The following CEP104 variants were observed in gnomAD, a reference collection of about 807,000 sequenced individuals.
The protein encoded by CEP104 is centrosomal protein of 104 kDa.
A neutral mutation model predicts 113.3 loss-of-function variants in CEP104; 84 were observed. That is an observed-to-expected ratio of 0.74 (90% CI 0.62 to 0.89). CEP104 has a LOEUF of 0.89. Among genes scored for constraint, CEP104 ranks in the 40% least tolerant of loss-of-function variants. CEP104 has a pLI of 0.00. For synonymous variants in CEP104, 378 were observed against 421.7 expected, an observed-to-expected ratio of 0.90 and a Z score of 1.27; for missense variants, 1,053 against 1,156.6, an observed-to-expected ratio of 0.91 and a Z score of 1.30.
intron 18 of CEP104, among the ~76,000 whole-genome samples, 153 bp downstream of exon 18, chr1:3,825,605 A>G (rs1486688462): frequency 6.6e-6 from 1 of 152,186 alleles, no homozygotes. Flanking sequence ...AATGACTCGC[A>G]CGCATTTGCG....
chr1:3,824,877 C>CAGTGGCACCGTGGGAAGGG (rs1644055694), intron 18 of CEP104, among the ~76,000 whole-genome samples: 2 of 104,766 alleles, frequency 1.9e-5, no homozygotes, highest in Admixed American at 1.0e-4. Context: ...GTGGGAAGGG[C>CAGTGGCACCGTGGGAAGGG]GGCAGTGGCA....
Position 3,844,915 on chromosome 1 carries a change from C to G in CEP104, c.558G>C (p.Thr186=), listed in dbSNP as rs2275822. 1.2e-6 allele frequency: 2 copies of G among 1,610,962 alleles called. No individual in the cohort carries two copies. The highest frequency in any genetic ancestry group is 1.7e-6 in the Non-Finnish European group (2 of 1,177,482). Residue 186 remains threonine (T), a synonymous_variant, in exon 6 of 22, where the codon ACG becomes ACC. Transcript: ENST00000378230. ...HNSEDPALEG[T]YARKSDYISP... is the part of the protein sequence containing the mutation. ...GGGAGCAGGACTCTTACCTGGCGTACGTTCCTTCTAGAGCAGGGTCCTCGC... is the reference window on the plus strand; with the variant it reads ...GGGAGCAGGACTCTTACCTGGCGTAGGTTCCTTCTAGAGCAGGGTCCTCGC...
chr1:3,823,435 TTG>T lies in CEP104; in HGVS notation c.2490_2491del (p.His830GlnfsTer20), dbSNP rs1343346166. On this transcript the variant is annotated frameshift_variant, in exon 19 of 22. Coordinates refer to ENST00000378230, the MANE Select transcript of CEP104 (RefSeq NM_014704.4). LOFTEE classifies it high-confidence loss of function. The surrounding 1 kb of genome is among the most constrained non-coding windows in gnomAD (Gnocchi z 4.1). The stretch of plus-strand genomic sequence containing the variant: ...GAAGGGGCACTCACGGTTGCAATCC[TTG>T]TGTTTTATGTGTCTGGGCAGCTCTT... 1.9e-6 allele frequency: 3 copies of T among 1,614,206 alleles called. No individual in the cohort carries two copies. In the East Asian group the frequency reaches 6.7e-5, roughly 36 times the overall value.
Position 3,825,804 on chromosome 1 carries a change from T to A in CEP104, c.2318A>T (p.Tyr773Phe), listed in dbSNP as rs1444050151. The A allele has an allele frequency of 1.2e-6, 2 of 1,613,910 alleles. No individual in the cohort carries two copies. Among genetic ancestry groups the A allele is most frequent in the Non-Finnish European group, 1.7e-6 (2 of 1,179,904 alleles). The change falls in exon 18 of 22, where the codon TAC becomes TTC. Residue 773 changes from tyrosine (Y) to phenylalanine (F), a missense_variant. Physicochemically the swap from Tyr to Phe is conservative, Grantham distance 22. Transcript: ENST00000378230. ...SFTEEGLDLH[Y>F]WKHCLMLTRC... is the part of the protein sequence containing the mutation. ...TGTCAGCATGAGACAGTGCTTCCAG[T>A]AGTGGAGATCCAGACCTTCCTCTGT...
chr1:3,828,568 C>A (rs80147233), intron 15 of CEP104, among the ~76,000 whole-genome samples: 1 of 152,134 alleles, frequency 6.6e-6, no homozygotes, highest in Non-Finnish European at 1.5e-5. Context: ...GCTCTGCGTG[C>A]ACTGTGCAGC....
In CEP104 at chr1:3,816,208, C is replaced by T. The variant is rs149241194; in HGVS notation, c.2662+72G>A. ...TGGGGTCTTGCCATGTTGCCCTGGACGGGGATGCTTTTTTGAATAAGTCAA... is the reference window on the plus strand; with the variant it reads ...TGGGGTCTTGCCATGTTGCCCTGGATGGGGATGCTTTTTTGAATAAGTCAA... On this transcript the variant is annotated intron_variant, in intron 21 of 21. Transcript: ENST00000378230. The T allele has an allele frequency of 2.2e-4, 290 of 1,333,062 alleles. 1 individual carries two copies. The African/African-American group carries it at 3.4e-3, about 16-fold the overall frequency. The allele number at this position is 1,333,062 out of a possible 1,614,324, so 82.6% of individuals were successfully genotyped here. A position where few individuals can be genotyped will look rare whatever the true frequency, so the allele number is the denominator to read the frequency against.
rs1643856647 is a variant in CEP104, at chr1:3,815,037, T to C, written c.*365A>G. ...GTTTTATGGAAATTGCTCCAAGCAC[T>C]AAGGAAAGCGGGACCGTGCCTGTGC... On this transcript the variant is annotated 3_prime_UTR_variant, in exon 22 of 22. Transcript: ENST00000378230. The C allele has an allele frequency of 4.8e-6, 1 of 208,354 alleles. No individual in the cohort carries two copies. The highest frequency in any genetic ancestry group is 9.8e-6 in the Non-Finnish European group (1 of 101,840). 12.9% of individuals were successfully genotyped at this position (208,354 alleles called of 1,614,324 possible).
Position 3,836,468 on chromosome 1 carries a change from GTTTTTTTTTTTTTT to G in CEP104, c.1317+13_1317+26del. 9.9e-7 allele frequency: 1 copy of G among 1,010,608 alleles called. No individual in the cohort carries two copies. Among genetic ancestry groups the G allele is most frequent in the Non-Finnish European group, 1.3e-6 (1 of 755,120 alleles). 62.6% of individuals were successfully genotyped at this position (1,010,608 alleles called of 1,614,324 possible). ...AGACTAGCCTCCCCTCTGCCACCCC[GTTTTTTTTTTTTTT>G]TTTTTTTTTTACCAAGGTTTCTCCC... On this transcript the variant is annotated intron_variant, in intron 10 of 21. Transcript: ENST00000378230.
At chr1:3,817,330 A>C (rs1643895176) in intron 20 of CEP104, among the ~76,000 whole-genome samples, 1 of 152,144 alleles carries the variant, frequency 6.6e-6, no homozygotes, top group African/African-American at 2.4e-5. Context: ...CAACAGGGTG[A>C]GACTCCATCT....
chr1:3,826,515 C>G (rs1644094864), intron 16 of CEP104, 79 bp from the exon 17 acceptor site: 1 of 1,388,580 alleles, frequency 7.2e-7, no homozygotes, highest in Non-Finnish European at 1.0e-6. Flanking sequence ...GATGTGAGCT[C>G]TAAAACGATT....
chr1:3,842,597 C>A (rs1390032051), intron 6 of CEP104, among the ~76,000 whole-genome samples: 1 of 152,154 alleles, frequency 6.6e-6, no homozygotes, highest in African/African-American at 2.4e-5. Context: ...AGGTTGTGTG[C>A]AAATAGAAGA....
At chr1:3,822,930 T>C (rs1644006901) in intron 20 of CEP104, 2 of 508,488 alleles carry the variant, frequency 3.9e-6, no homozygotes, top group East Asian at 3.2e-5. Context: ...TGACACAGGC[T>C]GGGCCTCAGT....
At chr1:3,817,162 C>T (rs1643892727) in intron 20 of CEP104, among the ~76,000 whole-genome samples, 1 of 152,168 alleles carries the variant, frequency 6.6e-6, no homozygotes. Flanking sequence ...GAAACCCCGT[C>T]TCTACTAAAA....
intron 7 of CEP104, 79 bp from the exon 8 acceptor site, chr1:3,839,198 C>T (rs1644369514): frequency 3.2e-5 from 41 of 1,270,104 alleles, no homozygotes; most frequent in East Asian, 4.6e-5. Context: ...TTAAGAATCA[C>T]GCGTGAACCG....
intron 20 of CEP104, among the ~76,000 whole-genome samples, chr1:3,817,336 C>T (rs1278861562): frequency 6.6e-6 from 1 of 152,072 alleles, no homozygotes; most frequent in African/African-American, 2.4e-5. Flanking sequence ...GGTGAGACTC[C>T]ATCTCAAAAA....
intron 1 of CEP104, 79 bp from the exon 2 acceptor site, chr1:3,852,500 C>G: frequency 7.7e-7 from 1 of 1,297,366 alleles, no homozygotes; most frequent in South Asian, 1.5e-5. Flanking sequence ...TTGGTTCATG[C>G]CTTGCTAACA....
chr1:3,831,494 G>A, intron 12 of CEP104, among the ~76,000 whole-genome samples: 1 of 152,200 alleles, frequency 6.6e-6, no homozygotes, highest in East Asian at 1.9e-4. Context: ...AAGCGTAATT[G>A]AAAACTTGAA....
chr1:3,843,496 C>T (rs913902044), intron 6 of CEP104, among the ~76,000 whole-genome samples: 4 of 150,868 alleles, frequency 2.7e-5, no homozygotes, highest in Non-Finnish European at 2.9e-5. Context: ...AGACTACAAG[C>T]GTGCACCACC....
chr1:3,826,799 A>G (rs1644100979), intron 15 of CEP104, 55 bp from the exon 16 acceptor site: 2 of 1,517,670 alleles, frequency 1.3e-6, no homozygotes, highest in African/African-American at 1.4e-5. Context: ...TGAGTGAGTG[A>G]GAGCCTGTTG....
Sources: gnomAD v4.1 joint callset for allele counts (sites outside exome capture counted in the v4.1 genomes callset) on GRCh38, gnomAD v4.1.1 for gene constraint, Gnocchi (gnomAD v3.1) non-coding constraint, MANE v1.5 for transcripts, NCBI Gene and HGNC (gene_info 2026-07-23, HGNC 2026-07-21) for gene names.